INSYN2A: variants seen among roughly 807,000 people sequenced by gnomAD.
INSYN2A encodes the protein family with sequence similarity 196 member A.
In INSYN2A, 17 loss-of-function variants were observed where a neutral mutation model predicts 39.4. The observed-to-expected ratio is 0.43, with a 90% CI of 0.30 to 0.65. The LOEUF (loss-of-function observed/expected upper bound fraction) is 0.65. Ranked by LOEUF, INSYN2A falls within the 30% of genes least tolerant of loss-of-function variation. INSYN2A has a pLI of 0.14. For synonymous variants in INSYN2A, 255 were observed against 265.7 expected, an observed-to-expected ratio of 0.96 and a Z score of 0.39; for missense variants, 595 against 631.2, an observed-to-expected ratio of 0.94 and a Z score of 0.61.
intron 5 of INSYN2A, among the ~76,000 whole-genome samples, chr10:127,140,241 G>A (rs907847764): frequency 6.6e-6 from 1 of 152,108 alleles, no homozygotes; most frequent in Non-Finnish European, 1.5e-5. Context: ...TCACACCAAG[G>A]AACCATGTAA....
intron 5 of INSYN2A, among the ~76,000 whole-genome samples, chr10:127,148,134 G>C (rs1014410273): frequency 1.3e-5 from 2 of 151,202 alleles, no homozygotes; most frequent in Admixed American, 6.6e-5. Flanking sequence ...CGTTTCACAA[G>C]CTCCCCCTCT....
intron 1 of INSYN2A, among the ~76,000 whole-genome samples, chr10:127,193,494 C>A (rs2056891664): frequency 6.6e-6 from 1 of 152,170 alleles, no homozygotes; most frequent in Admixed American, 6.5e-5. Flanking sequence ...TCATGAGTCT[C>A]TGAGAAGCAT....
chr10:127,149,742 GC>G (rs1345928101), intron 5 of INSYN2A, among the ~76,000 whole-genome samples: 1 of 152,180 alleles, frequency 6.6e-6, no homozygotes, highest in Admixed American at 6.5e-5. Flanking sequence ...AGCTGTGATG[GC>G]CCCACGTGTT....
rs1387945406 is a variant in INSYN2A at position 127,177,781 on chromosome 10, G to A, written c.-268-642C>T. Among the ~76,000 whole-genome samples, 6 of 152,384 alleles carry A rather than the reference G, an allele frequency of 3.9e-5. No individual in the cohort carries two copies. In the East Asian group the frequency reaches 1.2e-3, roughly 29 times the overall value. On this transcript the variant is annotated intron_variant, in intron 2 of 5. Transcript: ENST00000522781. ...GCATGGCCACTGCTTCTGGAGTGAGGTGGTTCGAGTGCCAGATGCTCTGCT... is the reference window on the plus strand; with the variant it reads ...GCATGGCCACTGCTTCTGGAGTGAGATGGTTCGAGTGCCAGATGCTCTGCT...
intron 4 of INSYN2A, among the ~76,000 whole-genome samples, chr10:127,164,102 CG>C (rs1564856790): frequency 2.0e-5 from 3 of 147,332 alleles, no homozygotes; most frequent in Non-Finnish European, 4.5e-5. Context: ...AGGGGTCAGC[CG>C]GGCTCCCTCT....
intron 5 of INSYN2A, among the ~76,000 whole-genome samples, chr10:127,149,009 A>C (rs1490428907): frequency 6.6e-6 from 1 of 152,190 alleles, no homozygotes; most frequent in Non-Finnish European, 1.5e-5. Flanking sequence ...GAAGCCCATC[A>C]ATCCTCTGCC....
At chr10:127,185,894 G>A (rs1423501068) in intron 2 of INSYN2A, among the ~76,000 whole-genome samples, 1 of 152,138 alleles carries the variant, frequency 6.6e-6, no homozygotes, top group African/African-American at 2.4e-5. Flanking sequence ...GTATATTGGG[G>A]CCCCATACTG....
rs775216075 is a variant in INSYN2A at position 127,176,208 on chromosome 10, T to G, written c.188A>C (p.Gln63Pro). ...CTCCCCCAGCTGGCCCGAGGACAGC[T>G]GTGTGTCCCTCTGCTCATTCTGTGC... ...CEAQNEQRDT[Q>P]LSSGQLGEKR... is the part of the protein sequence containing the mutation. The change falls in exon 4 of 6, where the codon CAG (glutamine) becomes CCG (proline). Residue 63 changes from glutamine to proline, a missense_variant. Gln to Pro is a moderately conservative substitution (Grantham distance 76, BLOSUM62 -1). Around this residue, in one of 2 missense-constraint regions of INSYN2A, gnomAD observed 478 missense variants for 467.4 expected, o/e 1.02. Coordinates refer to ENST00000522781, the MANE Select transcript of INSYN2A (RefSeq NM_001039762.3). This position sits in a 1 kb window ranked among gnomAD's most constrained non-coding sequence, Gnocchi z 4.4. The G allele has an allele frequency of 6.2e-7, 1 of 1,614,008 alleles. No individual in the cohort carries two copies.
At chr10:127,166,357 G>A (rs1277153419) in intron 4 of INSYN2A, among the ~76,000 whole-genome samples, 4 of 151,820 alleles carry the variant, frequency 2.6e-5, no homozygotes, top group Admixed American at 6.6e-5. Flanking sequence ...GAGCCACCGC[G>A]CCCGGCCCAA....
At chr10:127,151,743 G>A (rs1020795139) in intron 5 of INSYN2A, among the ~76,000 whole-genome samples, 2 of 152,176 alleles carry the variant, frequency 1.3e-5, no homozygotes, top group Non-Finnish European at 2.9e-5. Flanking sequence ...TACCTAGTGA[G>A]TCTTCCTAAG....
chr10:127,186,059 G>C (rs974180841), intron 2 of INSYN2A, among the ~76,000 whole-genome samples: 22 of 152,274 alleles, frequency 1.4e-4, no homozygotes, highest in Admixed American at 1.3e-3. Flanking sequence ...TTTAGAGCAT[G>C]GCACCTTTCC....
intron 4 of INSYN2A, among the ~76,000 whole-genome samples, chr10:127,158,380 T>C (rs947844486): frequency 2.8e-4 from 42 of 152,304 alleles, no homozygotes; most frequent in Middle Eastern, 3.4e-3. Flanking sequence ...AAGCTTAGGT[T>C]ATTGATGTAA....
At chr10:127,138,685 A>G (rs1212952774) in intron 5 of INSYN2A, among the ~76,000 whole-genome samples, 1 of 152,216 alleles carries the variant, frequency 6.6e-6, no homozygotes. Flanking sequence ...AGTAAAGACA[A>G]CACAGAAGTA....
At position 127,186,355 on chromosome 10, in the gene INSYN2A, G is replaced by C. The variant is rs57337879; in HGVS notation, c.-269+6250C>G. ...TCTTCACAAGGCTGCAGGACTGAAT[G>C]AGCGCAAGCAGGGGAAATGCCAGAC... On this transcript the variant is annotated intron_variant, in intron 2 of 5. Coordinates refer to ENST00000522781, the MANE Select transcript of INSYN2A (RefSeq NM_001039762.3). 3.8e-3 allele frequency among the ~76,000 whole-genome samples: 580 copies of C among 152,276 alleles called. 3 individuals are homozygous for C. The highest frequency in any genetic ancestry group is 7.0e-3 in the African/African-American group (292 of 41,558).
chr10:127,158,491 G>A (rs901227658), intron 4 of INSYN2A, among the ~76,000 whole-genome samples: 1 of 152,196 alleles, frequency 6.6e-6, no homozygotes, highest in Non-Finnish European at 1.5e-5. Context: ...GCTTTGAGGA[G>A]CCTGTATTAT....
At chr10:127,186,695 A>C (rs867316329) in intron 2 of INSYN2A, among the ~76,000 whole-genome samples, 2 of 152,156 alleles carry the variant, frequency 1.3e-5, no homozygotes, top group Middle Eastern at 3.4e-3. Context: ...CAATGAATAT[A>C]AAATTATACT....
At chr10:127,149,339 G>A (rs763558273) in intron 5 of INSYN2A, among the ~76,000 whole-genome samples, 13 of 152,120 alleles carry the variant, frequency 8.5e-5, no homozygotes, top group East Asian at 3.9e-4. Flanking sequence ...CTCACCTTTC[G>A]CTTGTCGTAC....
intron 5 of INSYN2A, among the ~76,000 whole-genome samples, chr10:127,143,703 G>T (rs1199104964): frequency 1.3e-5 from 2 of 152,158 alleles, no homozygotes; most frequent in Non-Finnish European, 2.9e-5. Flanking sequence ...GAAACTAAAA[G>T]TTGGGATCTG....
In INSYN2A at chr10:127,137,119, AT is replaced by A. The variant is rs2050768046; in HGVS notation, c.*717del. On this transcript the variant is annotated 3_prime_UTR_variant, in exon 6 of 6. Coordinates refer to ENST00000522781, the MANE Select transcript of INSYN2A (RefSeq NM_001039762.3). ...GTCTACTTGCAGTGATTAAAGGCAT[AT>A]CCTGACTTTGGGGGACTCCTGGCTG... The A allele has an allele frequency of 6.6e-6, 1 of 152,660 alleles. No homozygotes were observed. The highest frequency in any genetic ancestry group is 2.1e-4 in the South Asian group (1 of 4,830). The allele number at this position is 152,660 out of a possible 1,614,324, so 9.5% of individuals were successfully genotyped here.
Sources: gnomAD v4.1 joint callset for allele counts (sites outside exome capture counted in the v4.1 genomes callset) on GRCh38, gnomAD v4.1.1 for gene constraint, gnomAD v4.1.1 regional missense constraint, Gnocchi (gnomAD v3.1) non-coding constraint, MANE v1.5 for transcripts, NCBI Gene and HGNC (gene_info 2026-07-23, HGNC 2026-07-21) for gene names.